Variants in KCND2 observed in about 807,000 individuals in gnomAD.
KCND2 encodes the protein potassium voltage-gated channel subfamily D member 2.
KCND2 carries 16 observed loss-of-function variants against 54.4 expected under a neutral mutation model. The observed-to-expected ratio is 0.29, with a 90% confidence interval of 0.20 to 0.45. KCND2 has a LOEUF of 0.45. Among genes scored for constraint, KCND2 ranks in the 20% least tolerant of loss-of-function variants. The pLI is 1.00. For synonymous variants in KCND2, 317 were observed against 310.7 expected (o/e 1.02, Z -0.21); for missense variants, 486 against 824.2 (o/e 0.59, Z 5.02).
intron 1 of KCND2, among the ~76,000 whole-genome samples, chr7:120,374,706 A>G (rs1800812944): frequency 6.6e-6 from 1 of 151,876 alleles, no homozygotes. Context: ...TTTCAGCCTC[A>G]TAGCCTGTAG....
chr7:120,426,927 C>G (rs1291283631), intron 1 of KCND2, among the ~76,000 whole-genome samples: 1 of 152,084 alleles, frequency 6.6e-6, no homozygotes, highest in Non-Finnish European at 1.5e-5. Flanking sequence ...GCCCAACGTA[C>G]TTTTTATTGG....
At chr7:120,581,912 C>T (rs1292211483) in intron 1 of KCND2, among the ~76,000 whole-genome samples, 2 of 152,014 alleles carry the variant, frequency 1.3e-5, no homozygotes, top group African/African-American at 4.8e-5. Flanking sequence ...CAGGGTTTCA[C>T]CATGTTGGTC....
At chr7:120,329,557 C>T (rs1016179964) in intron 1 of KCND2, among the ~76,000 whole-genome samples, 38 of 152,110 alleles carry the variant, frequency 2.5e-4, no homozygotes, top group African/African-American at 7.7e-4. Context: ...TGTTGCTTTT[C>T]CTAGTTGAAA....
At chr7:120,312,669 C>T (rs1024867191) in intron 1 of KCND2, among the ~76,000 whole-genome samples, 1 of 152,112 alleles carries the variant, frequency 6.6e-6, no homozygotes, top group Non-Finnish European at 1.5e-5. Context: ...TTGTTCACGG[C>T]CTAACTCCTT....
chr7:120,552,819 A>G (rs954645379), intron 1 of KCND2, among the ~76,000 whole-genome samples: 1 of 152,172 alleles, frequency 6.6e-6, no homozygotes, highest in African/African-American at 2.4e-5. Context: ...TTTGGGTAGC[A>G]TCTTCTAAAG....
chr7:120,578,916 TCACACA>T (rs111758455), intron 1 of KCND2, among the ~76,000 whole-genome samples: 9 of 146,772 alleles, frequency 6.1e-5, no homozygotes, highest in African/African-American at 2.0e-4. Flanking sequence ...AGACCCTGTC[TCACACA>T]CACACACACA....
chr7:120,528,743 A>T (rs1791807909), intron 1 of KCND2, among the ~76,000 whole-genome samples: 1 of 152,148 alleles, frequency 6.6e-6, no homozygotes, highest in East Asian at 1.9e-4. Flanking sequence ...CCATTTTGGA[A>T]TTAGCTCTTT....
At chr7:120,429,358 C>T (rs1234437398) in intron 1 of KCND2, among the ~76,000 whole-genome samples, 1 of 152,112 alleles carries the variant, frequency 6.6e-6, no homozygotes, top group East Asian at 1.9e-4. Context: ...TAACAATGCC[C>T]TTGATAAAGA....
chr7:120,436,081 G>A (rs1010078155), intron 1 of KCND2, among the ~76,000 whole-genome samples: 1 of 152,100 alleles, frequency 6.6e-6, no homozygotes, highest in Non-Finnish European at 1.5e-5. Flanking sequence ...GATACAAATA[G>A]TAACAAAAGG....
At chr7:120,675,641 A>G (rs938605946) in intron 1 of KCND2, among the ~76,000 whole-genome samples, 1 of 152,146 alleles carries the variant, frequency 6.6e-6, no homozygotes, top group Non-Finnish European at 1.5e-5. Context: ...CCTGCTTGCT[A>G]TAATACATAC....
At chr7:120,469,741 G>C (rs1052666755) in intron 1 of KCND2, among the ~76,000 whole-genome samples, 6 of 152,080 alleles carry the variant, frequency 3.9e-5, no homozygotes, top group Admixed American at 6.6e-5. Context: ...TTCCCTGTTA[G>C]ACCAATTGTG....
rs1233056383 is a variant in KCND2, at chr7:120,460,910, T to C, written c.1115+185163T>C. On this transcript the variant is annotated intron_variant, in intron 1 of 5. Coordinates refer to ENST00000331113, the MANE Select transcript of KCND2 (RefSeq NM_012281.3). ...CTTTCTTATAGACCATTAGAATAAA[T>C]TAATACCTTCCCAGATAGTTAAGGG... Among the ~76,000 whole-genome samples, 3 of 152,282 alleles carry C rather than the reference T, an allele frequency of 2.0e-5. No homozygotes were observed. In the East Asian group the frequency reaches 5.8e-4, roughly 29 times the overall value.
chr7:120,578,066 CAAGAAG>C (rs1792461909), intron 1 of KCND2, among the ~76,000 whole-genome samples: 3 of 140,884 alleles, frequency 2.1e-5, no homozygotes, highest in Non-Finnish European at 3.1e-5. Context: ...AGAAGAAGAA[CAAGAAG>C]GAGAAGGAGA....
intron 1 of KCND2, among the ~76,000 whole-genome samples, chr7:120,723,219 A>T (rs1562920367): frequency 6.6e-6 from 1 of 152,184 alleles, no homozygotes; most frequent in Non-Finnish European, 1.5e-5. Flanking sequence ...ATCAGCCCAA[A>T]GCCAAAGTGA....
At chr7:120,325,437 T>C (rs1168839643) in intron 1 of KCND2, among the ~76,000 whole-genome samples, 2 of 151,148 alleles carry the variant, frequency 1.3e-5, no homozygotes, top group Non-Finnish European at 2.9e-5. Context: ...GGCTGTTGGT[T>C]TGTCATAGAT....
At position 120,742,566 on chromosome 7, in the gene KCND2, G is replaced by A. The variant is rs1390869286; in HGVS notation, c.1431G>A (p.Gln477=). The change falls in exon 4 of 6, where the codon CAG becomes CAA. Residue 477 remains glutamine, a synonymous_variant. Coordinates refer to ENST00000331113, the MANE Select transcript of KCND2 (RefSeq NM_012281.3). ...VSKSGSSFET[Q]HHHLLHCLEK... Reference sequence around the variant, plus strand: ...AATCCGGCTCCAGCTTTGAAACCCAGCACCACCACCTGCTTCACTGCCTGG... The same window carrying A: ...AATCCGGCTCCAGCTTTGAAACCCAACACCACCACCTGCTTCACTGCCTGG... 6.2e-7 allele frequency: 1 copy of A among 1,613,612 alleles called. No individual in the cohort carries two copies.
chr7:120,643,798 G>GA lies in KCND2; in HGVS notation c.1116-89095dup, dbSNP rs539399596. On this transcript the variant is annotated intron_variant, in intron 1 of 5. Coordinates refer to ENST00000331113, the MANE Select transcript of KCND2 (RefSeq NM_012281.3). ...AACTATTTTAACCATGAGTGAAATA[G>GA]AAAAAAAAAATTGCTACTTACTCTC... Among the ~76,000 whole-genome samples the GA allele has an allele frequency of 2.7e-3, 388 of 146,306 alleles. 1 individual carries two copies. The highest frequency in any genetic ancestry group is 0.014 in the Middle Eastern group (4 of 278).
At chr7:120,343,562 A>G (rs1482011935) in intron 1 of KCND2, among the ~76,000 whole-genome samples, 1 of 152,190 alleles carries the variant, frequency 6.6e-6, no homozygotes, top group African/African-American at 2.4e-5. Flanking sequence ...TTATTAGTGA[A>G]GGAAATCCTC....
chr7:120,499,080 A>G (rs927889036), intron 1 of KCND2, among the ~76,000 whole-genome samples: 1 of 152,138 alleles, frequency 6.6e-6, no homozygotes, highest in East Asian at 1.9e-4. Context: ...GAAGCAGTTC[A>G]TATGCATGAT....
Sources: allele counts gnomAD v4.1 joint callset (sites outside exome capture counted in the v4.1 genomes callset), GRCh38; gene constraint gnomAD v4.1.1; transcripts MANE v1.5; gene names NCBI Gene and HGNC (gene_info 2026-07-23, HGNC 2026-07-21).